MID1: variants seen among roughly 807,000 people sequenced by gnomAD.
MID1 encodes E3 ubiquitin-protein ligase Midline-1.
A neutral mutation model predicts 40.4 loss-of-function variants in MID1; 7 were observed. That is an observed-to-expected ratio of 0.17 (90% CI 0.10 to 0.33). The LOEUF is 0.33. MID1 is among the 10% of genes least tolerant of loss of function. The pLI is 1.00. For synonymous variants in MID1, 229 were observed against 221.2 expected (o/e 1.04, Z -0.31); for missense variants, 367 against 558.5 (o/e 0.66, Z 3.46).
intron 1 of MID1, among the ~76,000 whole-genome samples, chrX:10,638,887 G>A (rs1936153953): frequency 8.9e-6 from 1 of 112,111 alleles, no homozygotes; most frequent in Non-Finnish European, 1.9e-5. Flanking sequence ...TGATACCCAG[G>A]CAAACAGGGC....
At chrX:10,664,422 G>A (rs1263052447) in intron 1 of MID1, among the ~76,000 whole-genome samples, 1 of 111,472 alleles carries the variant, frequency 9.0e-6, no homozygotes, top group African/African-American at 3.3e-5. Context: ...CACCTGCCTC[G>A]GCCTCCCAAA....
chrX:10,693,659 G>T (rs2043144681), intron 1 of MID1, among the ~76,000 whole-genome samples: 1 of 111,540 alleles, frequency 9.0e-6, no homozygotes. Context: ...TAGACATGTT[G>T]ATATTTAAAA....
intron 1 of MID1, among the ~76,000 whole-genome samples, chrX:10,613,732 T>TATATATAGAGAGAG (rs1482081086): frequency 5.7e-5 from 1 of 17,482 alleles, no homozygotes; most frequent in African/African-American, 1.8e-4. Context: ...TATATATATA[T>TATATATAGAGAGAG]AGAGAGAGAG....
At chrX:10,594,745 C>T (rs1935379570) in intron 1 of MID1, among the ~76,000 whole-genome samples, 1 of 111,995 alleles carries the variant, frequency 8.9e-6, no homozygotes, top group Admixed American at 9.5e-5. Flanking sequence ...TCTCATGATA[C>T]ATTACTTAGG....
intron 1 of MID1, among the ~76,000 whole-genome samples, chrX:10,805,520 G>A (rs969465271): frequency 6.7e-5 from 7 of 104,584 alleles, no homozygotes; most frequent in East Asian, 3.0e-4. Context: ...GAATAGTGCC[G>A]CAATAAACAT....
chrX:10,739,893 T>C (rs990566511), intron 1 of MID1, among the ~76,000 whole-genome samples: 1 of 112,279 alleles, frequency 8.9e-6, no homozygotes, highest in African/African-American at 3.2e-5. Flanking sequence ...ATTTTAGAAC[T>C]CAGAAAAGAA....
At chrX:10,465,214 T>TATATATATATATATATACAC (rs1477864693) in intron 7 of MID1, among the ~76,000 whole-genome samples, 5 of 39,896 alleles carry the variant, frequency 1.3e-4, no homozygotes, top group Non-Finnish European at 1.7e-4. Context: ...TATATATATA[T>TATATATATATATATATACAC]ACACACACAC....
chrX:10,474,753 G>A lies in MID1; in HGVS notation c.1014-3C>T. The A allele has an allele frequency of 8.3e-7, 1 of 1,206,937 alleles. No individual in the cohort carries two copies. Among genetic ancestry groups the A allele is most frequent in the South Asian group, 1.8e-5 (1 of 56,873 alleles). ...AGGATGCAGTTGCCATGGAGACTCT[G>A]TAATGCAAACAAAACAATGTTTCAG... On this transcript the variant is annotated splice_region_variant and splice_polypyrimidine_tract_variant and intron_variant, in intron 5 of 9. Transcript: ENST00000317552.
At chrX:10,751,126 G>A (rs955510598) in intron 1 of MID1, among the ~76,000 whole-genome samples, 1 of 109,532 alleles carries the variant, frequency 9.1e-6, no homozygotes, top group Non-Finnish European at 1.9e-5. Context: ...CTAGCTGGGC[G>A]TGTTGGCGCA....
At chrX:10,611,559 C>T (rs762019380) in intron 1 of MID1, among the ~76,000 whole-genome samples, 1 of 110,949 alleles carries the variant, frequency 9.0e-6, no homozygotes, top group South Asian at 3.9e-4. Flanking sequence ...CTATTCCATC[C>T]CCATAAGACA....
chrX:10,651,301 C>T (rs898357910), intron 1 of MID1, among the ~76,000 whole-genome samples: 1 of 111,682 alleles, frequency 9.0e-6, no homozygotes, highest in Non-Finnish European at 1.9e-5. Flanking sequence ...AGGCACATGG[C>T]CCCACTTAGA....
chrX:10,502,206 T>A lies in MID1; in HGVS notation c.757-6515A>T, dbSNP rs770675242. Among the ~76,000 whole-genome samples the A allele has an allele frequency of 1.6e-4, 18 of 111,778 alleles. 1 individual carries two copies. The highest frequency in any genetic ancestry group is 7.5e-4 in the South Asian group (2 of 2,663). ...TGGAGCATGAGTGAAGGAAAAAAAA[T>A]ATCTGGCCAGTTTTCACAGGTGAAA... On this transcript the variant is annotated intron_variant, in intron 3 of 9. Coordinates refer to ENST00000317552, the MANE Select transcript of MID1 (RefSeq NM_000381.4).
intron 3 of MID1, among the ~76,000 whole-genome samples, chrX:10,499,238 G>A (rs1931421916): frequency 9.0e-6 from 1 of 111,696 alleles, no homozygotes; most frequent in African/African-American, 3.2e-5. Context: ...GGACATCTGT[G>A]TATCTATGTT....
intron 2 of MID1, among the ~76,000 whole-genome samples, chrX:10,558,067 A>G (rs1045776179): frequency 2.0e-5 from 2 of 99,335 alleles, no homozygotes; most frequent in Non-Finnish European, 4.0e-5. Context: ...CTCTCTCTTA[A>G]AAAAAAAAAA....
chrX:10,788,521 A>C (rs771125383), intron 1 of MID1, among the ~76,000 whole-genome samples: 1 of 110,065 alleles, frequency 9.1e-6, no homozygotes, highest in East Asian at 2.9e-4. Flanking sequence ...CCCTGGGAAA[A>C]TAGGTGCAAA....
At chrX:10,513,621 G>T (rs866519424) in intron 3 of MID1, among the ~76,000 whole-genome samples, 73 of 112,034 alleles carry the variant, frequency 6.5e-4, no homozygotes, top group African/African-American at 2.3e-3. Context: ...CAATTCTCCT[G>T]CCTCAGCCTC....
intron 1 of MID1, among the ~76,000 whole-genome samples, chrX:10,629,445 C>A (rs1936029284): frequency 9.0e-6 from 1 of 111,382 alleles, no homozygotes; most frequent in Non-Finnish European, 1.9e-5. Flanking sequence ...AAGTGATCCA[C>A]CAGTCTTGGC....
At chrX:10,628,228 C>T (rs1380316758) in intron 1 of MID1, among the ~76,000 whole-genome samples, 1 of 110,073 alleles carries the variant, frequency 9.1e-6, no homozygotes, top group African/African-American at 3.3e-5. Flanking sequence ...TATATTATTC[C>T]CCTGATGCAA....
At chrX:10,785,072 G>A (rs767756472) in intron 1 of MID1, among the ~76,000 whole-genome samples, 74 of 111,203 alleles carry the variant, frequency 6.7e-4, no homozygotes, top group African/African-American at 2.3e-3. Flanking sequence ...AAACCCCATC[G>A]TCTCAGCCCA....
Sources: gnomAD v4.1 joint callset for allele counts (sites outside exome capture counted in the v4.1 genomes callset) on GRCh38, gnomAD v4.1.1 for gene constraint, MANE v1.5 for transcripts, NCBI Gene and HGNC (gene_info 2026-07-23, HGNC 2026-07-21) for gene names.